The following HIVEP3 variants were observed in gnomAD, a reference collection of about 807,000 sequenced individuals.
HIVEP3 encodes transcription factor HIVEP3.
Under a neutral mutation model 152.8 loss-of-function variants are expected in HIVEP3, and 49 were observed. The observed-to-expected ratio is 0.32, with a 90% CI of 0.26 to 0.41. The LOEUF (loss-of-function observed/expected upper bound fraction) is 0.41, where lower values mean the gene tolerates loss of function less well. Among genes scored for constraint, HIVEP3 ranks in the 10% least tolerant of loss-of-function variants. HIVEP3 has a pLI of 1.00. For missense variants in HIVEP3, 2,790 were observed against 3,103.3 expected, an observed-to-expected ratio of 0.90 and a Z score of 2.40; for synonymous variants, 1,269 against 1,289.0, an observed-to-expected ratio of 0.98 and a Z score of 0.33.
At chr1:41,782,101 G>T (rs1649081615) in intron 1 of HIVEP3, among the ~76,000 whole-genome samples, 1 of 152,222 alleles carries the variant, frequency 6.6e-6, no homozygotes. Flanking sequence ...ATGGATATAT[G>T]CACACTCCAG....
intron 1 of HIVEP3, among the ~76,000 whole-genome samples, chr1:41,766,571 T>TA (rs1313504199): frequency 1.5e-4 from 23 of 152,178 alleles, no homozygotes; most frequent in Non-Finnish European, 3.1e-4. Context: ...AATGAGGAAA[T>TA]AGAGAGACTG....
chr1:41,708,283 G>T (rs1198226498), intron 1 of HIVEP3, among the ~76,000 whole-genome samples: 1 of 152,172 alleles, frequency 6.6e-6, no homozygotes, highest in Admixed American at 6.5e-5. Flanking sequence ...CTCTGTCTCT[G>T]GGTCAAGCAT....
intron 1 of HIVEP3, among the ~76,000 whole-genome samples, chr1:41,883,077 C>A (rs886802539): frequency 1.3e-5 from 2 of 152,092 alleles, no homozygotes; most frequent in African/African-American, 4.8e-5. Flanking sequence ...TCCAAGGGGT[C>A]CCCTGGTCAC....
intron 1 of HIVEP3, among the ~76,000 whole-genome samples, chr1:41,805,253 CTT>C (rs1650534131): frequency 6.6e-6 from 1 of 152,208 alleles, no homozygotes; most frequent in Non-Finnish European, 1.5e-5. Flanking sequence ...AGGAGAATTG[CTT>C]GAACCCAGGA....
chr1:41,545,386 C>T (rs1643742153), intron 5 of HIVEP3, among the ~76,000 whole-genome samples: 1 of 59,384 alleles, frequency 1.7e-5, no homozygotes, highest in Admixed American at 1.6e-4. Context: ...ACTACCACCA[C>T]CACCAATACC....
At chr1:41,829,092 C>T (rs1217712246) in intron 1 of HIVEP3, among the ~76,000 whole-genome samples, 1 of 152,152 alleles carries the variant, frequency 6.6e-6, no homozygotes, top group East Asian at 1.9e-4. Context: ...CTGGCTTGGC[C>T]TGCCTGGCCA....
chr1:42,007,682 G>A (rs775536465), intron 1 of HIVEP3, among the ~76,000 whole-genome samples: 42 of 152,184 alleles, frequency 2.8e-4, no homozygotes, highest in Admixed American at 2.6e-4. Flanking sequence ...AGTGCACACT[G>A]TTCACCAGAA....
chr1:41,526,668 TACCTGC>T (rs1642943865), intron 5 of HIVEP3, among the ~76,000 whole-genome samples: 3 of 2,672 alleles, frequency 1.1e-3, no homozygotes, highest in African/African-American at 3.4e-3. Flanking sequence ...CTCCCCCTCA[TACCTGC>T]TCGCACCCCC....
intron 2 of HIVEP3, among the ~76,000 whole-genome samples, chr1:41,678,704 G>A (rs1645994298): frequency 6.7e-6 from 1 of 149,860 alleles, no homozygotes. Flanking sequence ...CTTGGTTACA[G>A]TGACTGTGAC....
intron 2 of HIVEP3, among the ~76,000 whole-genome samples, chr1:41,655,176 C>A (rs960397893): frequency 6.6e-6 from 1 of 152,118 alleles, no homozygotes; most frequent in Admixed American, 6.5e-5. Context: ...TAGACCTCCA[C>A]GTGCCCCATA....
chr1:41,711,996 G>T (rs1321658588), intron 1 of HIVEP3, among the ~76,000 whole-genome samples: 1 of 152,214 alleles, frequency 6.6e-6, no homozygotes. Context: ...CAGCCAGCAG[G>T]TCGCTAATCC....
chr1:41,744,896 G>A (rs1647049642), intron 1 of HIVEP3, among the ~76,000 whole-genome samples: 1 of 152,212 alleles, frequency 6.6e-6, no homozygotes, highest in South Asian at 2.1e-4. Context: ...AAGGCAGGGG[G>A]CAGGGGGAAG....
intron 1 of HIVEP3, among the ~76,000 whole-genome samples, chr1:42,003,746 G>C (rs1645442023): frequency 6.6e-6 from 1 of 151,462 alleles, no homozygotes; most frequent in South Asian, 2.1e-4. Context: ...GGTGCAGGGA[G>C]GTAAAGGGGC....
rs1045368892 is a variant in HIVEP3, at chr1:41,573,826, G to A, written c.5207+1718C>T. Among the ~76,000 whole-genome samples, 8 of 152,286 alleles carry A rather than the reference G, an allele frequency of 5.3e-5. No homozygotes were observed. The South Asian group carries it at 6.2e-4, about 12-fold the overall frequency. On this transcript the variant is annotated intron_variant, in intron 5 of 8. Transcript: ENST00000372583. ...GGGGCAGAGATGACAGAACTCAACC[G>A]AGAGGATTCTGAAGCAGAGCAGGTG...
At chr1:41,955,310 G>A (rs1645134561) in intron 1 of HIVEP3, among the ~76,000 whole-genome samples, 1 of 152,160 alleles carries the variant, frequency 6.6e-6, no homozygotes. Context: ...GGAATATTAA[G>A]AAGTGTCTCT....
At chr1:41,896,591 T>C (rs1322591225) in intron 1 of HIVEP3, among the ~76,000 whole-genome samples, 1 of 149,018 alleles carries the variant, frequency 6.7e-6, no homozygotes, top group Non-Finnish European at 1.5e-5. Flanking sequence ...TTTTTTTTTT[T>C]TGAGACGGAG....
rs768705498 is a variant in HIVEP3 at position 41,513,099 on chromosome 1, A to AG, written c.6121dup (p.Leu2041ProfsTer123). ...TGCTCGAGGGGCCAGTTCTCTTCCC[A>AG]GGGGGCAGAGGGTGAGAGGAGACAG... On this transcript the variant is annotated frameshift_variant, in exon 8 of 9. Transcript: ENST00000372583. LOFTEE classifies it high-confidence loss of function. 1.2e-6 allele frequency: 2 copies of AG among 1,613,824 alleles called. No homozygotes were observed. Among genetic ancestry groups the AG allele is most frequent in the Admixed American group, 1.7e-5 (1 of 60,028 alleles).
intron 5 of HIVEP3, chr1:41,535,853 C>A (rs1643385305): frequency 6.6e-6 from 1 of 151,780 alleles, no homozygotes; most frequent in African/African-American, 2.4e-5. Flanking sequence ...GACCCCAGAT[C>A]TGACTTGTGT....
intron 1 of HIVEP3, among the ~76,000 whole-genome samples, chr1:41,979,638 C>T (rs57060901): frequency 0.013 from 1,904 of 152,270 alleles, 37 homozygotes; most frequent in African/African-American, 0.044. Context: ...GGAATCAGCT[C>T]ACCTGAGCCT....
Sources: gnomAD v4.1 joint callset for allele counts (sites outside exome capture counted in the v4.1 genomes callset) on GRCh38, gnomAD v4.1.1 for gene constraint, MANE v1.5 for transcripts, NCBI Gene and HGNC (gene_info 2026-07-23, HGNC 2026-07-21) for gene names.